RCOR1: variants seen among roughly 807,000 people sequenced by gnomAD.
The protein encoded by RCOR1 is REST corepressor 1.
A neutral mutation model predicts 64.0 loss-of-function variants in RCOR1; 12 were observed. That is an observed-to-expected ratio of 0.19 (90% CI 0.12 to 0.30). The LOEUF (loss-of-function observed/expected upper bound fraction) is 0.30. Ranked by LOEUF, RCOR1 falls within the 10% of genes least tolerant of loss-of-function variation. RCOR1 has a pLI of 1.00. For missense variants in RCOR1, 502 were observed against 621.2 expected (o/e 0.81, Z 2.04); for synonymous variants, 279 against 227.2 (o/e 1.23, Z -2.05).
chr14:102,597,476 ACACCACCACACCCGG>A (rs1893280746), intron 2 of RCOR1, among the ~76,000 whole-genome samples: 1 of 150,594 alleles, frequency 6.6e-6, no homozygotes, highest in Non-Finnish European at 1.5e-5. Context: ...TTACAGACGC[ACACCACCACACCCGG>A]CTAGTTTTTG....
At chr14:102,629,315 C>T (rs57749886) in intron 2 of RCOR1, among the ~76,000 whole-genome samples, 82,476 of 151,672 alleles carry the variant, frequency 0.54, 24,808 homozygotes, top group South Asian at 0.7. Flanking sequence ...TTTCTTTTTT[C>T]TCATTTACTC....
chr14:102,608,733 AT>A (rs141544028), intron 2 of RCOR1, among the ~76,000 whole-genome samples: 2 of 145,766 alleles, frequency 1.4e-5, no homozygotes, highest in African/African-American at 2.5e-5. Flanking sequence ...TAATTTTAAA[AT>A]TTTTTTTTTG....
intron 2 of RCOR1, among the ~76,000 whole-genome samples, chr14:102,619,863 C>T (rs74082442): frequency 0.13 from 19,170 of 152,126 alleles, 1,459 homozygotes; most frequent in African/African-American, 0.21. Flanking sequence ...TAGCTTGTTA[C>T]TTAGTCTGTT....
chr14:102,634,298 A>C (rs1410036817), intron 2 of RCOR1, among the ~76,000 whole-genome samples: 1 of 152,082 alleles, frequency 6.6e-6, no homozygotes, highest in South Asian at 2.1e-4. Flanking sequence ...ACTGGAGGCC[A>C]GGATTTCAAG....
intron 6 of RCOR1, 26 bp downstream of exon 6, chr14:102,708,609 T>A: frequency 7.5e-7 from 1 of 1,335,662 alleles, no homozygotes; most frequent in Non-Finnish European, 1.1e-6. Flanking sequence ...GGGTGTTGTC[T>A]AACCACTTAG....
intron 3 of RCOR1, among the ~76,000 whole-genome samples, chr14:102,696,669 T>C (rs1025430238): frequency 6.6e-6 from 1 of 152,182 alleles, no homozygotes; most frequent in Non-Finnish European, 1.5e-5. Context: ...GAATTAAGAT[T>C]GTTGTTGCCA....
At chr14:102,684,234 A>G (rs1269472481) in intron 3 of RCOR1, among the ~76,000 whole-genome samples, 1 of 152,202 alleles carries the variant, frequency 6.6e-6, no homozygotes, top group Non-Finnish European at 1.5e-5. Flanking sequence ...TGGAAGACAG[A>G]TGAACTAAGC....
At chr14:102,680,078 C>T (rs1000108281) in intron 2 of RCOR1, among the ~76,000 whole-genome samples, 3 of 152,100 alleles carry the variant, frequency 2.0e-5, no homozygotes, top group African/African-American at 4.8e-5. Context: ...TTTAGTTTCT[C>T]TCAGCAGTGT....
At chr14:102,629,830 CAT>C (rs756933257) in intron 2 of RCOR1, among the ~76,000 whole-genome samples, 31 of 152,324 alleles carry the variant, frequency 2.0e-4, no homozygotes, top group Non-Finnish European at 3.8e-4. Context: ...CTACACCACA[CAT>C]GTCATCATCC....
intron 2 of RCOR1, chr14:102,651,129 G>A (rs1276592544): frequency 3.5e-5 from 34 of 966,186 alleles, no homozygotes; most frequent in South Asian, 4.8e-5. Context: ...AGACCAGCTC[G>A]GTCGGGGAGA....
At chr14:102,641,554 GTC>G (rs1894368824) in intron 2 of RCOR1, among the ~76,000 whole-genome samples, 1 of 150,956 alleles carries the variant, frequency 6.6e-6, no homozygotes, top group Non-Finnish European at 1.5e-5. Flanking sequence ...GAGCCAAGAT[GTC>G]GCCACTGCAC....
Position 102,639,252 on chromosome 14 carries a change from TTTTC to T in RCOR1, c.362-42631_362-42628del, listed in dbSNP as rs200182795. On this transcript the variant is annotated intron_variant, in intron 2 of 11. Coordinates refer to ENST00000262241, the MANE Select transcript of RCOR1 (RefSeq NM_015156.4). Reference sequence around the variant, plus strand: ...TTCTAGGAGAACCAACTACTCTTTGTTTTCTTTCTTTCTTTTTTTTTTTTTTTTT... The same window carrying T: ...TTCTAGGAGAACCAACTACTCTTTGTTTTCTTTCTTTTTTTTTTTTTTTTT... 5.0e-3 allele frequency among the ~76,000 whole-genome samples: 680 copies of T among 136,766 alleles called. 2 individuals are homozygous for T. The highest frequency in any genetic ancestry group is 8.5e-3 in the Non-Finnish European group (551 of 64,564). 89.7% of individuals were successfully genotyped at this position (136,766 alleles called of 152,430 possible). A position where few individuals can be genotyped will look rare whatever the true frequency, so the allele number is the denominator to read the frequency against.
At position 102,601,617 on chromosome 14, in the gene RCOR1, G is replaced by C. The variant is rs141171345; in HGVS notation, c.361+8292G>C. On this transcript the variant is annotated intron_variant, in intron 2 of 11. Transcript: ENST00000262241. ...ATTGATAGAGGAACCTCAAACTGCA[G>C]TGCAGCTTGCAGTTCAGAGAAAATC... Among the ~76,000 whole-genome samples the C allele has an allele frequency of 2.8e-3, 426 of 152,318 alleles. 9 individuals carry two copies. Among genetic ancestry groups the C allele is most frequent in the Admixed American group, 0.024 (369 of 15,284 alleles).
At chr14:102,594,763 T>C (rs1217540564) in intron 2 of RCOR1, among the ~76,000 whole-genome samples, 1 of 152,124 alleles carries the variant, frequency 6.6e-6, no homozygotes, top group Non-Finnish European at 1.5e-5. Context: ...CGTTCCTTGG[T>C]TGGCCACCAG....
intron 2 of RCOR1, among the ~76,000 whole-genome samples, chr14:102,625,609 A>G (rs544819888): frequency 1.4e-4 from 21 of 151,560 alleles, no homozygotes; most frequent in African/African-American, 4.1e-4. Context: ...GCTTCAAGCA[A>G]TCCTCTTGCC....
In RCOR1 at chr14:102,677,339, A is replaced by ACC. The variant is rs368973020; in HGVS notation, c.362-4547_362-4546dup. ...GGGCGGCTGGCCGGGCAGGGGGCTG[A>ACC]CCCCCCCCCCACCTCCCTCCCGGAC... On this transcript the variant is annotated intron_variant, in intron 2 of 11. Transcript: ENST00000262241. 1.6e-3 allele frequency among the ~76,000 whole-genome samples: 85 copies of ACC among 52,666 alleles called. 1 individual carries two copies. In the Middle Eastern group the frequency reaches 0.044, roughly 27 times the overall value. 34.6% of individuals were successfully genotyped at this position (52,666 alleles called of 152,430 possible).
Position 102,593,185 on chromosome 14 carries a change from A to G in RCOR1, c.299A>G (p.His100Arg). ...GSSGSSSDEEHGGGGMRVGPQ... is the reference protein window; with the variant it reads ...GSSGSSSDEERGGGGMRVGPQ... ...TCGGGCTCGTCCAGCGACGAGGAGC[A>G]CGGTAGGTGGCAGCCGCCCCCGCGG... The change falls in exon 1 of 12, where the codon CAC becomes CGC. Residue 100 changes from histidine to arginine, a missense_variant and splice_region_variant. Around this residue, in one of 2 missense-constraint regions of RCOR1, gnomAD observed 242 missense variants for 204.9 expected, o/e 1.18. Transcript: ENST00000262241. 6.7e-7 allele frequency: 1 copy of G among 1,502,304 alleles called. No individual in the cohort carries two copies. The highest frequency in any genetic ancestry group is 8.8e-7 in the Non-Finnish European group (1 of 1,131,718). The allele number at this position is 1,502,304 out of a possible 1,614,324, so 93.1% of individuals were successfully genotyped here.
chr14:102,601,850 C>T (rs1893405038), intron 2 of RCOR1, among the ~76,000 whole-genome samples: 1 of 152,162 alleles, frequency 6.6e-6, no homozygotes, highest in Non-Finnish European at 1.5e-5. Context: ...GAGTGGCACA[C>T]TCAAGGCTGT....
At position 102,630,897 on chromosome 14, in the gene RCOR1, G is replaced by C. The variant is rs138114535; in HGVS notation, c.361+37572G>C. 7.4e-3 allele frequency among the ~76,000 whole-genome samples: 1,127 copies of C among 152,148 alleles called. 9 individuals are homozygous for C. Among genetic ancestry groups the C allele is most frequent in the African/African-American group, 0.026 (1,081 of 41,512 alleles). ...GGGCTAATGGGGGCCGGTGTCATCT[G>C]CTTGCTCCACTGTGATCTGGAACAG... On this transcript the variant is annotated intron_variant, in intron 2 of 11. Transcript: ENST00000262241.
Sources: gnomAD v4.1 joint callset for allele counts (sites outside exome capture counted in the v4.1 genomes callset) on GRCh38, gnomAD v4.1.1 for gene constraint, gnomAD v4.1.1 regional missense constraint, MANE v1.5 for transcripts, NCBI Gene and HGNC (gene_info 2026-07-23, HGNC 2026-07-21) for gene names.